The following SOX5 variants were observed in gnomAD, a reference collection of about 807,000 sequenced individuals.
SOX5 encodes SRY-box transcription factor 5.
Under a neutral mutation model 92.0 loss-of-function variants are expected in SOX5, and 9 were observed. The ratio of observed to expected loss-of-function variants is 0.10; its 90% CI spans 0.06 to 0.17. The LOEUF is 0.17. Ranked by LOEUF, SOX5 falls within the 10% of genes least tolerant of loss-of-function variation. SOX5 has a pLI of 1.00. For missense variants in SOX5, 642 were observed against 944.5 expected, an observed-to-expected ratio of 0.68 and a Z score of 4.20; for synonymous variants, 344 against 336.3, an observed-to-expected ratio of 1.02 and a Z score of -0.25.
At chr12:23,727,418 T>C (rs978944441) in intron 6 of SOX5, among the ~76,000 whole-genome samples, 7 of 152,096 alleles carry the variant, frequency 4.6e-5, no homozygotes, top group East Asian at 1.9e-4. Flanking sequence ...TTTTATTTAA[T>C]CATAAGAGTT....
intron 3 of SOX5, among the ~76,000 whole-genome samples, chr12:23,843,846 G>A (rs1270474296): frequency 1.3e-5 from 2 of 152,090 alleles, no homozygotes; most frequent in African/African-American, 2.4e-5. Flanking sequence ...TTATAGGCAT[G>A]AGCCACCGTG....
chr12:23,794,875 T>C (rs2095535914), intron 3 of SOX5, among the ~76,000 whole-genome samples: 1 of 152,158 alleles, frequency 6.6e-6, no homozygotes, highest in South Asian at 2.1e-4. Context: ...TAGATTTTCC[T>C]ACAGATGTTA....
At chr12:24,254,634 A>C (rs566858775) in intron 3 of SOX5, among the ~76,000 whole-genome samples, 1 of 152,040 alleles carries the variant, frequency 6.6e-6, no homozygotes, top group East Asian at 1.9e-4. Context: ...AATATGTATC[A>C]CTTGGGTTAT....
chr12:24,091,428 A>AT (rs556198750), intron 4 of SOX5, among the ~76,000 whole-genome samples: 42,365 of 122,376 alleles, frequency 0.35, 7,947 homozygotes, highest in East Asian at 0.59. Context: ...AGAGAATGCT[A>AT]TTTTTTTTTT....
intron 2 of SOX5, among the ~76,000 whole-genome samples, chr12:24,292,405 T>TA (rs1303739034): frequency 6.6e-6 from 1 of 152,244 alleles, no homozygotes; most frequent in African/African-American, 2.4e-5. Flanking sequence ...TTTCAATATT[T>TA]AAAAAATATC....
At chr12:23,730,961 G>A (rs1234777528) in intron 6 of SOX5, among the ~76,000 whole-genome samples, 2 of 152,192 alleles carry the variant, frequency 1.3e-5, no homozygotes, top group Admixed American at 1.3e-4. Context: ...AGATTAGCAC[G>A]TGAGTCTAAG....
chr12:23,558,609 T>TTTA (rs1945644693), intron 11 of SOX5, among the ~76,000 whole-genome samples: 1 of 136,214 alleles, frequency 7.3e-6, no homozygotes, highest in African/African-American at 2.6e-5. Flanking sequence ...TCACTACTTT[T>TTTA]TTATTTTTTT....
chr12:24,178,056 A>G (rs1219390755), intron 4 of SOX5, among the ~76,000 whole-genome samples: 1 of 152,180 alleles, frequency 6.6e-6, no homozygotes, highest in African/African-American at 2.4e-5. Context: ...GTGAAACTGA[A>G]AACACTTGAA....
At chr12:23,674,446 T>C (rs2085331882) in intron 6 of SOX5, among the ~76,000 whole-genome samples, 1 of 146,590 alleles carries the variant, frequency 6.8e-6, no homozygotes, top group Non-Finnish European at 1.5e-5. Context: ...CAAGCAATTC[T>C]CCTTCCTCAG....
chr12:23,839,500 A>G (rs938732266), intron 3 of SOX5, among the ~76,000 whole-genome samples: 3 of 152,170 alleles, frequency 2.0e-5, no homozygotes, highest in Non-Finnish European at 2.9e-5. Flanking sequence ...AACTCATTCT[A>G]TGAAGCTGGC....
At chr12:24,090,841 A>C (rs1944553600) in intron 4 of SOX5, among the ~76,000 whole-genome samples, 1 of 152,184 alleles carries the variant, frequency 6.6e-6, no homozygotes, top group South Asian at 2.1e-4. Context: ...AAACATCTGA[A>C]CTGGAGCTCA....
At chr12:23,835,176 T>A (rs1283775764) in intron 3 of SOX5, among the ~76,000 whole-genome samples, 4 of 151,842 alleles carry the variant, frequency 2.6e-5, no homozygotes, top group Admixed American at 1.3e-4. Flanking sequence ...ATTAAGATAG[T>A]CGGTTGCCTT....
rs1951099012 is a variant in SOX5, at chr12:24,329,850, C to T, written c.-174+38713G>A. On this transcript the variant is annotated intron_variant, in intron 2 of 4. Coordinates refer to the SOX5 transcript ENST00000446891. ...CCAGCCTGGCCAACATGGTGAAACC[C>T]CGTCTCTACTAAAAATACAAAAATT... 2.6e-5 allele frequency among the ~76,000 whole-genome samples: 4 copies of T among 152,176 alleles called. No individual in the cohort carries two copies. In the South Asian group the frequency reaches 8.3e-4, roughly 32 times the overall value.
chr12:24,077,976 C>G (rs1267192856), intron 4 of SOX5, among the ~76,000 whole-genome samples: 4 of 151,280 alleles, frequency 2.6e-5, no homozygotes, highest in Non-Finnish European at 5.9e-5. Flanking sequence ...AGAACTGCAA[C>G]CTGTATTTCC....
chr12:23,733,477 T>TCGGCTGCAGTTAAGGAGGGGA (rs1406559536), intron 6 of SOX5, among the ~76,000 whole-genome samples: 1 of 152,176 alleles, frequency 6.6e-6, no homozygotes, highest in Non-Finnish European at 1.5e-5. Flanking sequence ...GTGCTGATCC[T>TCGGCTGCAGTTAAGGAGGGGA]AATTGCAGTT....
At chr12:23,971,120 A>ATTTTTTTT (rs1460686832) in intron 4 of SOX5, among the ~76,000 whole-genome samples, 7 of 14,512 alleles carry the variant, frequency 4.8e-4, no homozygotes, top group South Asian at 6.6e-3. Context: ...GTGTCAGCTG[A>ATTTTTTTT]CTTTTTTTTT....
intron 3 of SOX5, among the ~76,000 whole-genome samples, chr12:23,787,885 C>T (rs2095408837): frequency 6.6e-6 from 1 of 151,474 alleles, no homozygotes; most frequent in African/African-American, 2.4e-5. Flanking sequence ...AGAGATAATA[C>T]ATAGGAAAGT....
intron 2 of SOX5, chr12:24,357,566 G>C (rs1013822278): frequency 2.6e-5 from 4 of 152,402 alleles, no homozygotes; most frequent in Non-Finnish European, 5.9e-5. Flanking sequence ...GCCTCAGCCA[G>C]GCTCGGTGGC....
intron 1 of SOX5, among the ~76,000 whole-genome samples, chr12:24,411,510 T>C (rs1197279202): frequency 2.6e-5 from 4 of 152,204 alleles, no homozygotes; most frequent in Non-Finnish European, 5.9e-5. Flanking sequence ...AGAGTTTTTC[T>C]CATAAATGTC....
Sources: allele counts gnomAD v4.1 joint callset (sites outside exome capture counted in the v4.1 genomes callset), GRCh38; gene constraint gnomAD v4.1.1; transcripts MANE v1.5; gene names NCBI Gene and HGNC (gene_info 2026-07-23, HGNC 2026-07-21).